The following POU1F1 variants were observed in gnomAD, a reference collection of about 807,000 sequenced individuals.
POU1F1 encodes the protein pituitary-specific positive transcription factor 1.
POU1F1 carries 23 observed loss-of-function variants against 32.3 expected under a neutral mutation model. That is an observed-to-expected ratio of 0.71 (90% CI 0.51 to 1.01). POU1F1 has a LOEUF of 1.01. Ranked by LOEUF, POU1F1 falls within the 50% of genes least tolerant of loss-of-function variation. The probability of loss-of-function intolerance (pLI) is 0.00; values close to 1 mark genes in which losing one functional copy is unlikely to be tolerated. For missense variants in POU1F1, 323 were observed against 341.6 expected (o/e 0.95, Z 0.43); for synonymous variants, 120 against 115.6 (o/e 1.04, Z -0.25).
At position 87,260,116 on chromosome 3, in the gene POU1F1, T is replaced by C; in HGVS notation, c.666-12A>G. 1 of 1,608,618 alleles carries C rather than the reference T, an allele frequency of 6.2e-7. No homozygotes were observed. ...CTTTAGCAGCAATGCTGGCGGGGGG[T>C]GGACATAGGGGGTGAAATTTTGTTG... On this transcript the variant is annotated splice_polypyrimidine_tract_variant and intron_variant, in intron 5 of 5. Coordinates refer to ENST00000350375, the MANE Select transcript of POU1F1 (RefSeq NM_000306.4).
At chr3:87,262,575 T>A (rs1706532634) in intron 3 of POU1F1, among the ~76,000 whole-genome samples, 1 of 152,086 alleles carries the variant, frequency 6.6e-6, no homozygotes, top group South Asian at 2.1e-4. Flanking sequence ...TCATTATTGT[T>A]AGTTATCAAA....
intron 3 of POU1F1, among the ~76,000 whole-genome samples, chr3:87,263,954 C>T (rs1385995388): frequency 1.3e-5 from 2 of 151,838 alleles, no homozygotes; most frequent in Non-Finnish European, 1.5e-5. Context: ...AGAAGGGATA[C>T]ATGTCACTTA....
chr3:87,264,881 G>T (rs1313448214), intron 2 of POU1F1, among the ~76,000 whole-genome samples: 1 of 152,092 alleles, frequency 6.6e-6, no homozygotes, highest in Non-Finnish European at 1.5e-5. Flanking sequence ...CAGAGTCTAT[G>T]CATTGAACTC....
At chr3:87,267,736 T>C (rs1575979843) in intron 2 of POU1F1, among the ~76,000 whole-genome samples, 1 of 152,260 alleles carries the variant, frequency 6.6e-6, no homozygotes, top group East Asian at 1.9e-4. Context: ...GCATCCTAAG[T>C]AGAATCTACA....
At chr3:87,272,019 A>G (rs1316124078) in intron 2 of POU1F1, among the ~76,000 whole-genome samples, 2 of 151,852 alleles carry the variant, frequency 1.3e-5, no homozygotes, top group African/African-American at 2.4e-5. Context: ...TTTAATTAAA[A>G]TTAAACTATT....
rs1706821684 is a variant in POU1F1, at chr3:87,276,177, G to A, written c.142+144C>T. On this transcript the variant is annotated intron_variant, in intron 1 of 5. Coordinates refer to ENST00000350375, the MANE Select transcript of POU1F1 (RefSeq NM_000306.4). ...TTTGGCATGTTGGCTTTTTAGATATGCTTAATGCTTACTTCACTTAAGACA... is the reference window on the plus strand; with the variant it reads ...TTTGGCATGTTGGCTTTTTAGATATACTTAATGCTTACTTCACTTAAGACA... The A allele has an allele frequency of 4.9e-6, 5 of 1,028,416 alleles. No individual in the cohort carries two copies. The South Asian group carries it at 5.4e-5, about 11-fold the overall frequency. 63.7% of individuals were successfully genotyped at this position (1,028,416 alleles called of 1,614,324 possible). A position where few individuals can be genotyped will look rare whatever the true frequency, so the allele number is the denominator to read the frequency against.
chr3:87,266,844 C>T (rs1401516713), intron 2 of POU1F1, among the ~76,000 whole-genome samples: 1 of 151,904 alleles, frequency 6.6e-6, no homozygotes, highest in Non-Finnish European at 1.5e-5. Flanking sequence ...TCATATTTAT[C>T]TGAAGACTTG....
In POU1F1 at chr3:87,276,510, A is replaced by G. The variant is rs771498395; in HGVS notation, c.-48T>C. 26 of 1,597,990 alleles carry G rather than the reference A, an allele frequency of 1.6e-5. No homozygotes were observed. Among genetic ancestry groups the G allele is most frequent in the Middle Eastern group, 1.7e-4 (1 of 6,040 alleles). Reference sequence around the variant, plus strand: ...AAGGAGAACCGCTGCTCCCCAAATCAGAGTTTTATTATATTACTGTCTCAA... The same window carrying G: ...AAGGAGAACCGCTGCTCCCCAAATCGGAGTTTTATTATATTACTGTCTCAA... On this transcript the variant is annotated 5_prime_UTR_variant, in exon 1 of 6. Coordinates refer to ENST00000350375, the MANE Select transcript of POU1F1 (RefSeq NM_000306.4).
At position 87,273,386 on chromosome 3, in the gene POU1F1, G is replaced by C; in HGVS notation, c.175C>G (p.His59Asp). 1 of 1,612,588 alleles carries C rather than the reference G, an allele frequency of 6.2e-7. No homozygotes were observed. The highest frequency in any genetic ancestry group is 8.5e-7 in the Non-Finnish European group (1 of 1,179,254). Residue 59 changes from histidine (H) to aspartate (D), a missense_variant, in exon 2 of 6, where the codon CAT becomes GAT. Physicochemically the swap from His to Asp is moderately conservative, Grantham distance 81. Coordinates refer to ENST00000350375, the MANE Select transcript of POU1F1 (RefSeq NM_000306.4). Reference protein sequence around the residue: ...TGLHYSVPSCHYGNQPSTYGV... With the variant: ...TGLHYSVPSCDYGNQPSTYGV... Reference sequence around the variant, plus strand: ...TAGGTTGATGGCTGGTTTCCATAATGACAGGAAGGAACAGAATAATGAAGT... The same window carrying C: ...TAGGTTGATGGCTGGTTTCCATAATCACAGGAAGGAACAGAATAATGAAGT...
At chr3:87,273,616 G>A in intron 1 of POU1F1, 198 bp from the exon 2 acceptor site, 3 of 1,015,178 alleles carry the variant, frequency 3.0e-6, no homozygotes, top group Non-Finnish European at 4.2e-6. Flanking sequence ...GTTCTCTGAC[G>A]AGTAGGTTAA....
chr3:87,275,597 A>G (rs941831474), intron 1 of POU1F1, among the ~76,000 whole-genome samples: 4 of 152,106 alleles, frequency 2.6e-5, no homozygotes, highest in African/African-American at 4.8e-5. Context: ...AAGAATGAAC[A>G]CACTGGCAAA....
chr3:87,264,292 T>G lies in POU1F1; in HGVS notation c.435A>C (p.Lys145Asn). The G allele has an allele frequency of 6.2e-7, 1 of 1,609,884 alleles. No homozygotes were observed. The highest frequency in any genetic ancestry group is 8.5e-7 in the Non-Finnish European group (1 of 1,176,232). ...TTGCCTTTAACAAGCACATACCTAA[T>G]TTAATTCGTCTCACTTTAAATTCAT... The part of the protein sequence containing the change: ...FANEFKVRRI[K>N]LGYTQTNVGE... Residue 145 changes from lysine (K) to asparagine (N), a missense_variant, in exon 3 of 6, where the codon AAA becomes AAC. Coordinates refer to ENST00000350375, the MANE Select transcript of POU1F1 (RefSeq NM_000306.4).
At chr3:87,263,308 A>C (rs1706545054) in intron 3 of POU1F1, among the ~76,000 whole-genome samples, 1 of 152,130 alleles carries the variant, frequency 6.6e-6, no homozygotes, top group African/African-American at 2.4e-5. Context: ...AAACAGTGAG[A>C]TGTCACTTTG....
intron 1 of POU1F1, among the ~76,000 whole-genome samples, chr3:87,274,229 T>C (rs1336686489): frequency 6.6e-6 from 1 of 152,120 alleles, no homozygotes; most frequent in African/African-American, 2.4e-5. Flanking sequence ...CTTCAGGAAA[T>C]CAATGTGTAT....
chr3:87,260,717 A>G (rs1706493277), intron 5 of POU1F1, among the ~76,000 whole-genome samples: 2 of 152,152 alleles, frequency 1.3e-5, no homozygotes, highest in South Asian at 2.1e-4. Context: ...AGATATGGCC[A>G]GTCTCTTAGA....
intron 3 of POU1F1, among the ~76,000 whole-genome samples, chr3:87,263,466 A>T (rs1346331887): frequency 1.3e-5 from 2 of 152,110 alleles, no homozygotes; most frequent in Admixed American, 1.3e-4. Flanking sequence ...TTAAAAACTC[A>T]TGCCGTTTTG....
chr3:87,262,858 A>G (rs1211941904), intron 3 of POU1F1, among the ~76,000 whole-genome samples: 1 of 152,146 alleles, frequency 6.6e-6, no homozygotes, highest in Non-Finnish European at 1.5e-5. Context: ...AAACATTTTT[A>G]GAGTACAGCT....
In POU1F1 at chr3:87,273,643, A is replaced by T. The variant is rs566558827; in HGVS notation, c.143-225T>A. On this transcript the variant is annotated intron_variant, in intron 1 of 5. Coordinates refer to ENST00000350375, the MANE Select transcript of POU1F1 (RefSeq NM_000306.4). ...GTAGGTTAAAACTAGGGGGGATCAA[A>T]GTTTGTCTCATGTAACGAGATAATA... 8.1e-6 allele frequency: 6 copies of T among 736,898 alleles called. No homozygotes were observed. The African/African-American group carries it at 1.1e-4, about 13-fold the overall frequency. The allele number at this position is 736,898 out of a possible 1,614,324, so 45.6% of individuals were successfully genotyped here.
In POU1F1 at chr3:87,272,210, C is replaced by T. The variant is rs542791317; in HGVS notation, c.214+1137G>A. ...CACACATACACACACACCATGCACACGCACACACACATTTACTCACACAGT... is the reference window on the plus strand; with the variant it reads ...CACACATACACACACACCATGCACATGCACACACACATTTACTCACACAGT... On this transcript the variant is annotated intron_variant, in intron 2 of 5. Transcript: ENST00000350375. 7.9e-5 allele frequency among the ~76,000 whole-genome samples: 12 copies of T among 151,872 alleles called. No homozygotes were observed. The South Asian group carries it at 8.3e-4, about 11-fold the overall frequency.
Sources: allele counts gnomAD v4.1 joint callset (sites outside exome capture counted in the v4.1 genomes callset), GRCh38; gene constraint gnomAD v4.1.1; transcripts MANE v1.5; gene names NCBI Gene and HGNC (gene_info 2026-07-23, HGNC 2026-07-21).